SNTG1: variants seen among roughly 807,000 people sequenced by gnomAD.
SNTG1 encodes the protein syntrophin gamma 1.
SNTG1 carries 39 observed loss-of-function variants against 74.7 expected under a neutral mutation model. That is an observed-to-expected ratio of 0.52 (90% CI 0.40 to 0.68). The LOEUF (loss-of-function observed/expected upper bound fraction) is 0.68. Among genes scored for constraint, SNTG1 ranks in the 30% least tolerant of loss-of-function variants. SNTG1 has a pLI of 0.00. For missense variants in SNTG1, 685 were observed against 609.5 expected (o/e 1.12, Z -1.30); for synonymous variants, 254 against 217.1 (o/e 1.17, Z -1.49).
chr8:49,931,994 T>C (rs756643054), intron 1 of SNTG1, among the ~76,000 whole-genome samples: 19 of 152,190 alleles, frequency 1.2e-4, no homozygotes, highest in Non-Finnish European at 2.1e-4. Flanking sequence ...CATAAAAGTA[T>C]ACATATATAT....
chr8:49,947,905 C>G (rs1355195334), intron 1 of SNTG1, among the ~76,000 whole-genome samples: 1 of 152,028 alleles, frequency 6.6e-6, no homozygotes, highest in Non-Finnish European at 1.5e-5. Flanking sequence ...CCGAGGTTGG[C>G]AGATCACATG....
At chr8:50,207,041 T>C (rs1203879528) in intron 2 of SNTG1, among the ~76,000 whole-genome samples, 1 of 152,184 alleles carries the variant, frequency 6.6e-6, no homozygotes, top group African/African-American at 2.4e-5. Flanking sequence ...TTTTGTTGTG[T>C]CTCTGCCAGC....
At chr8:50,693,383 G>A (rs1299748688) in intron 15 of SNTG1, among the ~76,000 whole-genome samples, 2 of 152,050 alleles carry the variant, frequency 1.3e-5, no homozygotes, top group Non-Finnish European at 2.9e-5. Context: ...TTCCTATTCG[G>A]CAATCTTGGC....
At chr8:50,766,456 G>C (rs2095614216) in intron 18 of SNTG1, among the ~76,000 whole-genome samples, 1 of 151,860 alleles carries the variant, frequency 6.6e-6, no homozygotes, top group Non-Finnish European at 1.5e-5. Flanking sequence ...TAGCTTAATA[G>C]CTATTTGCGT....
At chr8:50,078,598 G>C (rs1272550155) in intron 1 of SNTG1, among the ~76,000 whole-genome samples, 1 of 152,030 alleles carries the variant, frequency 6.6e-6, no homozygotes, top group Non-Finnish European at 1.5e-5. Flanking sequence ...TGAGCATGCA[G>C]GTTTATTACA....
intron 1 of SNTG1, among the ~76,000 whole-genome samples, chr8:50,006,829 G>A (rs919246707): frequency 2.0e-5 from 3 of 152,170 alleles, no homozygotes; most frequent in African/African-American, 7.2e-5. Flanking sequence ...TGCTTGTCAA[G>A]CTACGTCTGC....
At chr8:50,262,852 C>G (rs562952331) in intron 2 of SNTG1, among the ~76,000 whole-genome samples, 1 of 152,202 alleles carries the variant, frequency 6.6e-6, no homozygotes, top group South Asian at 2.1e-4. Context: ...AAACAACATA[C>G]AATGCTACTC....
chr8:50,581,118 C>T lies in SNTG1; in HGVS notation c.811-9761C>T, dbSNP rs377642537. On this transcript the variant is annotated intron_variant, in intron 12 of 18. Coordinates refer to ENST00000642720, the MANE Select transcript of SNTG1 (RefSeq NM_018967.5). ...GTGCATATATAATAGAAGGTCAAAC[C>T]TAAAATATTATTCTTAATCATCCAT... Among the ~76,000 whole-genome samples the T allele has an allele frequency of 8.0e-3, 1,211 of 152,228 alleles. 14 individuals carry two copies. Among genetic ancestry groups the T allele is most frequent in the African/African-American group, 0.027 (1,105 of 41,520 alleles).
Position 50,752,332 on chromosome 8 carries a change from T to C in SNTG1, c.1395+221T>C, listed in dbSNP as rs371323052. On this transcript the variant is annotated intron_variant, in intron 18 of 18. Transcript: ENST00000642720. ...AATAAATTACACAAAACTAATTGCATTTCTTAGTTTTAATTCCTTATGAAC... is the reference window on the plus strand; with the variant it reads ...AATAAATTACACAAAACTAATTGCACTTCTTAGTTTTAATTCCTTATGAAC... Among the ~76,000 whole-genome samples the C allele has an allele frequency of 1.3e-4, 20 of 152,106 alleles. No individual in the cohort carries two copies. The South Asian group carries it at 2.3e-3, about 17-fold the overall frequency.
chr8:50,761,466 G>A, intron 18 of SNTG1, among the ~76,000 whole-genome samples: 1 of 151,874 alleles, frequency 6.6e-6, no homozygotes, highest in Admixed American at 6.6e-5. Context: ...TGGACAGGAT[G>A]GCTGGAAGGG....
At position 50,621,952 on chromosome 8, in the gene SNTG1, C is replaced by G. The variant is rs575466763; in HGVS notation, c.849+31035C>G. On this transcript the variant is annotated intron_variant, in intron 13 of 18. Transcript: ENST00000642720. Reference sequence around the variant, plus strand: ...TTCTGTCTTCTTTCCTCTGCTCCAGCCTTGCTCCTATATGGGCTAGGTGTC... The same window carrying G: ...TTCTGTCTTCTTTCCTCTGCTCCAGGCTTGCTCCTATATGGGCTAGGTGTC... Among the ~76,000 whole-genome samples the G allele has an allele frequency of 2.6e-5, 4 of 152,288 alleles. No homozygotes were observed. In the South Asian group the frequency reaches 8.3e-4, roughly 32 times the overall value.
At chr8:50,272,435 G>T (rs1205338169) in intron 2 of SNTG1, among the ~76,000 whole-genome samples, 1 of 152,144 alleles carries the variant, frequency 6.6e-6, no homozygotes, top group Non-Finnish European at 1.5e-5. Flanking sequence ...CCTGGGCCAG[G>T]TGTGCACAGA....
chr8:50,191,921 A>T (rs921657038), intron 2 of SNTG1, among the ~76,000 whole-genome samples: 1 of 152,136 alleles, frequency 6.6e-6, no homozygotes, highest in African/African-American at 2.4e-5. Context: ...TCAAAAGCAA[A>T]TGTAATAAAA....
intron 1 of SNTG1, among the ~76,000 whole-genome samples, chr8:49,927,790 A>T (rs142556012): frequency 6.6e-6 from 1 of 152,170 alleles, no homozygotes; most frequent in African/African-American, 2.4e-5. Context: ...GACCCACAGA[A>T]TGTACAGTAC....
intron 3 of SNTG1, among the ~76,000 whole-genome samples, chr8:50,394,862 T>TTA (rs397826323): frequency 2.0e-5 from 3 of 151,534 alleles, no homozygotes; most frequent in African/African-American, 7.3e-5. Flanking sequence ...TTTTTTTTTT[T>TTA]ACTAAATATG....
intron 13 of SNTG1, among the ~76,000 whole-genome samples, chr8:50,607,861 A>G (rs1309998096): frequency 6.6e-6 from 1 of 151,596 alleles, no homozygotes; most frequent in East Asian, 1.9e-4. Context: ...TTTTTTCTGA[A>G]ATAATGCTTT....
At position 50,528,069 on chromosome 8, in the gene SNTG1, C is replaced by G. The variant is rs139294193; in HGVS notation, c.467-2108C>G. ...CATTCTTAACGTTTTTCTATATACA[C>G]GATTGTGTTATCTGCAAATAAGGTT... On this transcript the variant is annotated intron_variant, in intron 9 of 18. Coordinates refer to ENST00000642720, the MANE Select transcript of SNTG1 (RefSeq NM_018967.5). Among the ~76,000 whole-genome samples the G allele has an allele frequency of 2.4e-3, 363 of 152,060 alleles. 2 individuals carry two copies. Among genetic ancestry groups the G allele is most frequent in the Non-Finnish European group, 4.1e-3 (281 of 67,868 alleles).
chr8:50,302,644 A>G (rs749010987), intron 2 of SNTG1, among the ~76,000 whole-genome samples: 8 of 152,152 alleles, frequency 5.3e-5, no homozygotes, highest in Non-Finnish European at 8.8e-5. Context: ...AGTATGTTAC[A>G]TATCTTGGGT....
intron 15 of SNTG1, among the ~76,000 whole-genome samples, chr8:50,671,675 C>T (rs1158529942): frequency 6.6e-6 from 1 of 151,924 alleles, no homozygotes; most frequent in African/African-American, 2.4e-5. Context: ...GCCATTTGAC[C>T]CAGCAATCCC....
Sources: allele counts gnomAD v4.1 joint callset (sites outside exome capture counted in the v4.1 genomes callset), GRCh38; gene constraint gnomAD v4.1.1; transcripts MANE v1.5; gene names NCBI Gene and HGNC (gene_info 2026-07-23, HGNC 2026-07-21).